NAALADL2: variants seen among roughly 807,000 people sequenced by gnomAD.
NAALADL2 encodes the protein N-acetylated alpha-linked acidic dipeptidase like 2, also known as inactive N-acetylated-alpha-linked acidic dipeptidase-like protein 2.
In NAALADL2, 76 loss-of-function variants were observed where a neutral mutation model predicts 87.2. The ratio of observed to expected loss-of-function variants is 0.87; its 90% CI spans 0.72 to 1.05. NAALADL2 has a LOEUF of 1.05. NAALADL2 is among the 50% of genes least tolerant of loss of function. The probability of loss-of-function intolerance (pLI) is 0.00; values close to 1 mark genes in which losing one functional copy is unlikely to be tolerated. For missense variants in NAALADL2, 1,089 were observed against 945.8 expected (o/e 1.15, Z -1.99); for synonymous variants, 354 against 331.0 (o/e 1.07, Z -0.75).
intron 3 of NAALADL2, among the ~76,000 whole-genome samples, chr3:174,841,932 A>G (rs1477601139): frequency 1.3e-5 from 2 of 152,140 alleles, no homozygotes; most frequent in Non-Finnish European, 2.9e-5. Flanking sequence ...CGAATTTGTT[A>G]AACAATTAAT....
intron 2 of NAALADL2, among the ~76,000 whole-genome samples, chr3:174,653,921 G>A (rs982221035): frequency 2.0e-5 from 3 of 152,044 alleles, no homozygotes; most frequent in Non-Finnish European, 2.9e-5. Flanking sequence ...CTGAGCTTCT[G>A]TGAGTCTGAG....
intron 11 of NAALADL2, chr3:175,676,473 G>A (rs544427046): frequency 6.6e-6 from 1 of 152,314 alleles, no homozygotes; most frequent in East Asian, 1.9e-4. Flanking sequence ...AATGGGTTCA[G>A]GAAAGTTCTG....
intron 1 of NAALADL2, among the ~76,000 whole-genome samples, chr3:174,519,503 G>A (rs1323901062): frequency 6.6e-6 from 1 of 151,772 alleles, no homozygotes; most frequent in Non-Finnish European, 1.5e-5. Flanking sequence ...AGCTAATTTT[G>A]TATTTTTAGT....
chr3:175,291,266 T>A lies in NAALADL2; in HGVS notation c.940-32909T>A, dbSNP rs75082167. On this transcript the variant is annotated intron_variant, in intron 4 of 13. Transcript: ENST00000454872. Reference sequence around the variant, plus strand: ...CCTGAATGTTTAAGAGTTCACTGAATGTTTCTTGTAATTTCATTCTAATAA... The same window carrying A: ...CCTGAATGTTTAAGAGTTCACTGAAAGTTTCTTGTAATTTCATTCTAATAA... 6.6e-3 allele frequency among the ~76,000 whole-genome samples: 1,012 copies of A among 152,290 alleles called. 9 individuals carry two copies. Among genetic ancestry groups the A allele is most frequent in the African/African-American group, 0.023 (976 of 41,574 alleles).
Position 175,044,228 on chromosome 3 carries a change from A to G in NAALADL2, c.44-52562A>G, listed in dbSNP as rs577165855. 2.6e-5 allele frequency among the ~76,000 whole-genome samples: 4 copies of G among 152,192 alleles called. No individual in the cohort carries two copies. The East Asian group carries it at 7.7e-4, about 29-fold the overall frequency. ...ATGTTAATTTTGAAAAAAATACACT[A>G]TATTTTTGTATATTTTTGTAGATGC... On this transcript the variant is annotated intron_variant, in intron 1 of 13. Coordinates refer to ENST00000454872, the MANE Select transcript of NAALADL2 (RefSeq NM_207015.3).
At chr3:175,223,094 C>CTCTG (rs1553820053) in intron 2 of NAALADL2, among the ~76,000 whole-genome samples, 3 of 147,488 alleles carry the variant, frequency 2.0e-5, no homozygotes, top group African/African-American at 7.5e-5. Context: ...CATAGTTACT[C>CTCTG]TGTGTGTGTG....
intron 2 of NAALADL2, among the ~76,000 whole-genome samples, chr3:175,102,596 T>C (rs897633952): frequency 2.6e-5 from 4 of 152,170 alleles, no homozygotes; most frequent in African/African-American, 9.7e-5. Flanking sequence ...AGACACATTT[T>C]ATTTTCTGAC....
chr3:174,902,646 A>T (rs1031539131), intron 1 of NAALADL2, among the ~76,000 whole-genome samples: 1 of 152,164 alleles, frequency 6.6e-6, no homozygotes, highest in Non-Finnish European at 1.5e-5. Flanking sequence ...TTTCAAGGAG[A>T]TATTATGAAC....
intron 1 of NAALADL2, among the ~76,000 whole-genome samples, chr3:174,514,353 A>G (rs1265863509): frequency 1.2e-4 from 19 of 152,184 alleles, no homozygotes; most frequent in East Asian, 1.9e-4. Context: ...CTCTATGTAT[A>G]TGTTTCATAA....
intron 2 of NAALADL2, among the ~76,000 whole-genome samples, chr3:174,583,797 A>C (rs1716413643): frequency 6.6e-6 from 1 of 152,190 alleles, no homozygotes; most frequent in Non-Finnish European, 1.5e-5. Context: ...AAATGAACAT[A>C]GTCTGAGAGA....
intron 2 of NAALADL2, among the ~76,000 whole-genome samples, chr3:175,125,616 A>C (rs1018973565): frequency 1.3e-5 from 2 of 152,040 alleles, no homozygotes; most frequent in African/African-American, 4.8e-5. Flanking sequence ...TTTTGGCCTA[A>C]GTGGCTAAAA....
chr3:175,264,011 C>A (rs915310525), intron 4 of NAALADL2, among the ~76,000 whole-genome samples: 1 of 151,706 alleles, frequency 6.6e-6, no homozygotes, highest in Non-Finnish European at 1.5e-5. Context: ...CTCTGTATCT[C>A]GTTTAAAATG....
At position 175,284,851 on chromosome 3, in the gene NAALADL2, A is replaced by T. The variant is rs184898015; in HGVS notation, c.939+28321A>T. 4.9e-3 allele frequency among the ~76,000 whole-genome samples: 739 copies of T among 152,204 alleles called. 2 individuals are homozygous for T. The highest frequency in any genetic ancestry group is 6.9e-3 in the Non-Finnish European group (471 of 67,980). On this transcript the variant is annotated intron_variant, in intron 4 of 13. Transcript: ENST00000454872. The stretch of plus-strand genomic sequence containing the variant: ...CTTAGATGATTGAATAATCTAAAAA[A>T]GGCCAGGCTGAAGATGCAGCATCTT...
intron 3 of NAALADL2, among the ~76,000 whole-genome samples, chr3:174,781,514 G>T (rs916644110): frequency 1.1e-4 from 17 of 151,712 alleles, no homozygotes. Flanking sequence ...ACACTGATTA[G>T]CAAGACAATA....
At chr3:174,711,799 A>T (rs530924740) in intron 2 of NAALADL2, among the ~76,000 whole-genome samples, 5 of 152,170 alleles carry the variant, frequency 3.3e-5, no homozygotes, top group African/African-American at 1.2e-4. Flanking sequence ...TAAACATATG[A>T]ATTTTTGTTT....
At chr3:175,006,230 C>T (rs1178127998) in intron 1 of NAALADL2, among the ~76,000 whole-genome samples, 2 of 152,152 alleles carry the variant, frequency 1.3e-5, no homozygotes, top group Non-Finnish European at 2.9e-5. Flanking sequence ...ATAATTATCT[C>T]CTCTGTCGTC....
At chr3:174,465,214 A>G (rs1716464251) in intron 1 of NAALADL2, among the ~76,000 whole-genome samples, 1 of 152,092 alleles carries the variant, frequency 6.6e-6, no homozygotes, top group Non-Finnish European at 1.5e-5. Context: ...GTGTGTGTTA[A>G]GAATAATTGA....
Position 175,589,309 on chromosome 3 carries a change from G to GTAATTTAACATTCAT in NAALADL2, c.1800+13125_1800+13126insTTTAACATTCATTAA, listed in dbSNP as rs60691311. On this transcript the variant is annotated intron_variant, in intron 10 of 13. Coordinates refer to ENST00000454872, the MANE Select transcript of NAALADL2 (RefSeq NM_207015.3). ...CTATTTGCTTGAAACATTGGTACTG[G>GTAATTTAACATTCAT]TAAATAAATGGATAAATCAATGTAT... Among the ~76,000 whole-genome samples the GTAATTTAACATTCAT allele has an allele frequency of 6.6e-3, 999 of 152,112 alleles. 12 individuals are homozygous for GTAATTTAACATTCAT. Among genetic ancestry groups the GTAATTTAACATTCAT allele is most frequent in the African/African-American group, 0.023 (946 of 41,522 alleles).
chr3:175,437,918 A>C (rs1358572076), intron 5 of NAALADL2, among the ~76,000 whole-genome samples: 1 of 152,132 alleles, frequency 6.6e-6, no homozygotes, highest in Non-Finnish European at 1.5e-5. Context: ...ACATTAGTTA[A>C]GTATTAAAGC....
Sources: gnomAD v4.1 joint callset for allele counts (sites outside exome capture counted in the v4.1 genomes callset) on GRCh38, gnomAD v4.1.1 for gene constraint, MANE v1.5 for transcripts, NCBI Gene and HGNC (gene_info 2026-07-23, HGNC 2026-07-21) for gene names.